The following CNTN4 variants were observed in gnomAD, a reference collection of about 807,000 sequenced individuals.
CNTN4 encodes the protein contactin 4, also known as contactin-4.
A neutral mutation model predicts 122.5 loss-of-function variants in CNTN4; 77 were observed. The ratio of observed to expected loss-of-function variants is 0.63; its 90% CI spans 0.52 to 0.76. The LOEUF (loss-of-function observed/expected upper bound fraction) is 0.76. Among genes scored for constraint, CNTN4 ranks in the 30% least tolerant of loss-of-function variants. The probability of loss-of-function intolerance (pLI) is 0.00; values close to 1 mark genes in which losing one functional copy is unlikely to be tolerated. For missense variants in CNTN4, 1,256 were observed against 1,259.1 expected (o/e 1.00, Z 0.04); for synonymous variants, 512 against 447.0 (o/e 1.15, Z -1.83).
intron 3 of CNTN4, among the ~76,000 whole-genome samples, chr3:2,482,431 G>GAA (rs376965633): frequency 1.4e-5 from 2 of 144,330 alleles, no homozygotes; most frequent in African/African-American, 5.0e-5. Context: ...TGATGTGATA[G>GAA]AAAAAAAAAA....
chr3:2,537,552 C>A (rs552607821), intron 3 of CNTN4, among the ~76,000 whole-genome samples: 1 of 151,988 alleles, frequency 6.6e-6, no homozygotes. Flanking sequence ...GAAAACTGTC[C>A]ACTGTTCACA....
intron 2 of CNTN4, among the ~76,000 whole-genome samples, chr3:2,209,476 A>G (rs1195453494): frequency 6.6e-6 from 1 of 152,152 alleles, no homozygotes; most frequent in Non-Finnish European, 1.5e-5. Context: ...ATTCCATACC[A>G]TCAGCATCAT....
At chr3:2,173,242 G>A (rs1387303123) in intron 2 of CNTN4, among the ~76,000 whole-genome samples, 1 of 152,124 alleles carries the variant, frequency 6.6e-6, no homozygotes, top group Non-Finnish European at 1.5e-5. Flanking sequence ...AGACCATTTG[G>A]CTTGAACAGA....
At chr3:2,527,856 C>A (rs71311703) in intron 3 of CNTN4, among the ~76,000 whole-genome samples, 5 of 152,036 alleles carry the variant, frequency 3.3e-5, no homozygotes, top group Non-Finnish European at 7.4e-5. Context: ...TTGATCCTCC[C>A]CCTTTTAAAT....
chr3:2,803,669 C>T (rs746644887), intron 6 of CNTN4, among the ~76,000 whole-genome samples: 2 of 151,674 alleles, frequency 1.3e-5, no homozygotes, highest in Non-Finnish European at 2.9e-5. Context: ...AAGCAATTCT[C>T]CTGCCTCAGC....
chr3:2,120,660 C>T (rs1265174060), intron 2 of CNTN4, among the ~76,000 whole-genome samples: 2 of 151,650 alleles, frequency 1.3e-5, no homozygotes, highest in Non-Finnish European at 2.9e-5. Context: ...GTGTCGGCCT[C>T]CCAAAGTGCT....
chr3:2,906,854 AAAAAAGAAAAAGAG>A (rs1178083870), intron 12 of CNTN4, among the ~76,000 whole-genome samples: 1 of 151,756 alleles, frequency 6.6e-6, no homozygotes, highest in African/African-American at 2.4e-5. Context: ...CAAAAAAAAA[AAAAAAGAAAAAGAG>A]AAAAGAAAAA....
intron 4 of CNTN4, among the ~76,000 whole-genome samples, chr3:2,694,055 C>T (rs979826352): frequency 6.6e-6 from 1 of 152,170 alleles, no homozygotes; most frequent in African/African-American, 2.4e-5. Context: ...TTATATTAAA[C>T]TCTCCAGTCC....
At chr3:2,511,371 G>T (rs1426691289) in intron 3 of CNTN4, 1 of 152,246 alleles carries the variant, frequency 6.6e-6, no homozygotes, top group African/African-American at 2.4e-5. Flanking sequence ...AGGAGAGCCA[G>T]TTAGAGATGT....
At chr3:2,362,506 G>T in intron 3 of CNTN4, 1 of 559,240 alleles carries the variant, frequency 1.8e-6, no homozygotes, top group Admixed American at 2.1e-5. Flanking sequence ...GGCTCCATAG[G>T]CTCCTGTGCA....
At chr3:2,673,666 A>G (rs1576417255) in intron 4 of CNTN4, among the ~76,000 whole-genome samples, 1 of 151,844 alleles carries the variant, frequency 6.6e-6, no homozygotes, top group Non-Finnish European at 1.5e-5. Flanking sequence ...TCAGCCTCCC[A>G]AGTAGCTGGG....
At chr3:2,231,208 A>G (rs1041941989) in intron 2 of CNTN4, among the ~76,000 whole-genome samples, 2 of 152,112 alleles carry the variant, frequency 1.3e-5, no homozygotes, top group Non-Finnish European at 1.5e-5. Flanking sequence ...CTAAATCTTC[A>G]ATTCATACTA....
intron 6 of CNTN4, among the ~76,000 whole-genome samples, chr3:2,795,077 G>T (rs140931568): frequency 6.6e-6 from 1 of 152,290 alleles, no homozygotes; most frequent in East Asian, 1.9e-4. Flanking sequence ...TGGTTAAGAA[G>T]GTTCCTGTGT....
intron 6 of CNTN4, among the ~76,000 whole-genome samples, chr3:2,786,632 G>A (rs887074023): frequency 6.6e-6 from 1 of 152,172 alleles, no homozygotes; most frequent in Non-Finnish European, 1.5e-5. Context: ...AATGAACAGT[G>A]TTGGTAACTA....
At position 2,359,213 on chromosome 3, in the gene CNTN4, G is replaced by T. The variant is rs555638673; in HGVS notation, c.-89+19980G>T. On this transcript the variant is annotated intron_variant, in intron 3 of 24. Coordinates refer to ENST00000418658, the MANE Select transcript of CNTN4 (RefSeq NM_175607.3). ...ATACATCTGCACCATTTAATTAGCT[G>T]GATGTGAGTCTACAGTAGAGTCAAC... 6.6e-5 allele frequency among the ~76,000 whole-genome samples: 10 copies of T among 152,064 alleles called. No individual in the cohort carries two copies. The South Asian group carries it at 1.7e-3, about 25-fold the overall frequency.
At chr3:2,871,805 G>T (rs1378119888) in intron 8 of CNTN4, among the ~76,000 whole-genome samples, 1 of 152,096 alleles carries the variant, frequency 6.6e-6, no homozygotes, top group Non-Finnish European at 1.5e-5. Context: ...TTTATAGTGA[G>T]AATTATTTCA....
chr3:2,939,980 A>G (rs762226138), intron 13 of CNTN4, among the ~76,000 whole-genome samples: 2 of 152,246 alleles, frequency 1.3e-5, no homozygotes, highest in African/African-American at 4.8e-5. Flanking sequence ...TTCCAGAGCC[A>G]CTGTGGTAAA....
intron 23 of CNTN4, among the ~76,000 whole-genome samples, chr3:3,051,851 T>C (rs909448679): frequency 2.6e-5 from 4 of 152,234 alleles, no homozygotes; most frequent in Non-Finnish European, 5.9e-5. Context: ...AGTGACCTTA[T>C]GTCTGTAGCC....
intron 4 of CNTN4, among the ~76,000 whole-genome samples, chr3:2,598,882 A>G (rs375683716): frequency 1.3e-5 from 2 of 151,986 alleles, no homozygotes; most frequent in East Asian, 3.8e-4. Context: ...AGCTCTTACT[A>G]ATGGTAATAA....
Sources: gnomAD v4.1 joint callset for allele counts (sites outside exome capture counted in the v4.1 genomes callset) on GRCh38, gnomAD v4.1.1 for gene constraint, MANE v1.5 for transcripts, NCBI Gene and HGNC (gene_info 2026-07-23, HGNC 2026-07-21) for gene names.